Variants in CYP7B1 observed in about 807,000 individuals in gnomAD.
CYP7B1 encodes cytochrome P450 7B1.
A neutral mutation model predicts 42.7 loss-of-function variants in CYP7B1; 29 were observed. The observed-to-expected ratio is 0.68, with a 90% CI of 0.51 to 0.93. The LOEUF (loss-of-function observed/expected upper bound fraction) is 0.93, where lower values mean the gene tolerates loss of function less well. Among genes scored for constraint, CYP7B1 ranks in the 40% least tolerant of loss-of-function variants. The pLI is 0.00. For missense variants in CYP7B1, 655 were observed against 600.5 expected (o/e 1.09, Z -0.95); for synonymous variants, 235 against 218.2 (o/e 1.08, Z -0.68).
At chr8:64,718,360 T>C (rs977067362) in intron 1 of CYP7B1, among the ~76,000 whole-genome samples, 1 of 152,130 alleles carries the variant, frequency 6.6e-6, no homozygotes, top group African/African-American at 2.4e-5. Context: ...TTTGGCCAAG[T>C]GTGGTGGCTC....
chr8:64,753,770 G>A (rs139814755), intron 1 of CYP7B1, among the ~76,000 whole-genome samples: 24 of 152,328 alleles, frequency 1.6e-4, no homozygotes, highest in East Asian at 1.3e-3. Context: ...AAAGGATGGC[G>A]AGGAGAGGCC....
intron 1 of CYP7B1, among the ~76,000 whole-genome samples, chr8:64,764,583 G>A (rs998597477): frequency 1.3e-5 from 2 of 152,098 alleles, no homozygotes; most frequent in African/African-American, 4.8e-5. Flanking sequence ...GTGTAAACAA[G>A]GGCATACCCT....
At chr8:64,668,146 C>T (rs1403578505) in intron 1 of CYP7B1, among the ~76,000 whole-genome samples, 4 of 152,176 alleles carry the variant, frequency 2.6e-5, no homozygotes, top group Admixed American at 2.6e-4. Context: ...GAATACATGA[C>T]ATGCCACGTT....
intron 1 of CYP7B1, among the ~76,000 whole-genome samples, chr8:64,740,535 G>C (rs1807551964): frequency 6.6e-6 from 1 of 150,808 alleles, no homozygotes; most frequent in Non-Finnish European, 1.5e-5. Flanking sequence ...GAAAAAAATA[G>C]AGAAAATCAA....
At chr8:64,625,022 G>A (rs2129630451) in intron 1 of CYP7B1, among the ~76,000 whole-genome samples, 1 of 128,726 alleles carries the variant, frequency 7.8e-6, no homozygotes, top group Middle Eastern at 4.7e-3. Context: ...CACCCAGGCT[G>A]GAGTGCACTG....
intron 1 of CYP7B1, among the ~76,000 whole-genome samples, chr8:64,781,382 TA>T (rs1440402997): frequency 6.6e-6 from 1 of 152,176 alleles, no homozygotes; most frequent in Non-Finnish European, 1.5e-5. Flanking sequence ...TCATTTTTTT[TA>T]CATTTCTGTG....
intron 1 of CYP7B1, among the ~76,000 whole-genome samples, chr8:64,685,966 G>A (rs1167815524): frequency 5.6e-5 from 2 of 35,504 alleles, no homozygotes; most frequent in Non-Finnish European, 5.7e-5. Context: ...CCTTCCGGGA[G>A]GTGAGGGGCG....
chr8:64,642,229 G>A (rs1259117028), intron 1 of CYP7B1, among the ~76,000 whole-genome samples: 1 of 151,726 alleles, frequency 6.6e-6, no homozygotes, highest in Non-Finnish European at 1.5e-5. Context: ...ACCTTACTAT[G>A]TGTATTGTAC....
intron 3 of CYP7B1, 97 bp from the exon 4 acceptor site, chr8:64,615,329 C>G: frequency 1.6e-6 from 2 of 1,268,402 alleles, no homozygotes; most frequent in South Asian, 2.6e-5. Context: ...ACAGACCCAG[C>G]CAAGGATCAG....
chr8:64,617,259 G>T (rs1469340736), intron 2 of CYP7B1, among the ~76,000 whole-genome samples: 2 of 152,142 alleles, frequency 1.3e-5, no homozygotes, highest in Non-Finnish European at 2.9e-5. Flanking sequence ...CTTGGAGGGG[G>T]TCCTACCAGT....
intron 1 of CYP7B1, among the ~76,000 whole-genome samples, chr8:64,741,950 A>C (rs1807575368): frequency 6.6e-6 from 1 of 152,184 alleles, no homozygotes; most frequent in African/African-American, 2.4e-5. Context: ...ATTCAACAGA[A>C]TCTCAATCAA....
In CYP7B1 at chr8:64,616,137, T is replaced by C; in HGVS notation, c.404A>G (p.Asn135Ser). The C allele has an allele frequency of 6.2e-7, 1 of 1,613,764 alleles. No homozygotes were observed. Among genetic ancestry groups the C allele is most frequent in the African/African-American group, 1.3e-5 (1 of 75,038 alleles). The part of the protein sequence containing the change: ...ISQLQKNHDM[N>S]DELHLCYQFL... ...TTGATAGCAGAGGTGAAGCTCATCA[T>C]TCATGTCATGATTTTTTTGCAACTG... Residue 135 changes from asparagine to serine, a missense_variant, in exon 3 of 6, where the codon AAT becomes AGT. Asn to Ser is a conservative substitution (Grantham distance 46). Coordinates refer to ENST00000310193, the MANE Select transcript of CYP7B1 (RefSeq NM_004820.5).
At position 64,624,951 on chromosome 8, in the gene CYP7B1, C is replaced by CT. The variant is rs71260892; in HGVS notation, c.123-413dup. ...AGTCCCCAAAGTCCATTATATCATTCTTTTTTTTTTTTTTTTTTTTTTTTT... is the reference window on the plus strand; with the variant it reads ...AGTCCCCAAAGTCCATTATATCATTCTTTTTTTTTTTTTTTTTTTTTTTTTT... On this transcript the variant is annotated intron_variant, in intron 1 of 5. Coordinates refer to ENST00000310193, the MANE Select transcript of CYP7B1 (RefSeq NM_004820.5). 3.0e-4 allele frequency among the ~76,000 whole-genome samples: 16 copies of CT among 54,060 alleles called. 2 individuals carry two copies. The highest frequency in any genetic ancestry group is 8.1e-4 in the South Asian group (1 of 1,230). 35.5% of individuals were successfully genotyped at this position (54,060 alleles called of 152,430 possible). A position where few individuals can be genotyped will look rare whatever the true frequency, so the allele number is the denominator to read the frequency against.
intron 1 of CYP7B1, among the ~76,000 whole-genome samples, chr8:64,672,662 A>C (rs2129631725): frequency 6.6e-6 from 1 of 152,172 alleles, no homozygotes; most frequent in South Asian, 2.1e-4. Flanking sequence ...AAGAGCTGTG[A>C]CTCCTATCAG....
At chr8:64,623,660 T>A (rs1805564193) in intron 2 of CYP7B1, among the ~76,000 whole-genome samples, 1 of 152,214 alleles carries the variant, frequency 6.6e-6, no homozygotes, top group Non-Finnish European at 1.5e-5. Context: ...GTTTTTTTCT[T>A]CATTTTTCTT....
chr8:64,613,526 G>A (rs1479393877), intron 4 of CYP7B1, among the ~76,000 whole-genome samples: 1 of 152,082 alleles, frequency 6.6e-6, no homozygotes, highest in Non-Finnish European at 1.5e-5. Flanking sequence ...GAAACTGCTT[G>A]AATGTATGGG....
rs1250546741 is a variant in CYP7B1, at chr8:64,595,631, ATCT to A, written c.*1008_*1010del. 6.6e-6 allele frequency among the ~76,000 whole-genome samples: 1 copy of A among 152,224 alleles called. No individual in the cohort carries two copies. The highest frequency in any genetic ancestry group is 2.4e-5 in the African/African-American group (1 of 41,454). On this transcript the variant is annotated 3_prime_UTR_variant, in exon 6 of 6. Coordinates refer to ENST00000310193, the MANE Select transcript of CYP7B1 (RefSeq NM_004820.5). ...CAGATACTCTCTCAATTGAAAAAAAATCTTTGAATTATTGACACAATGCTGCAT... is the reference window on the plus strand; with the variant it reads ...CAGATACTCTCTCAATTGAAAAAAAATTGAATTATTGACACAATGCTGCAT...
At position 64,798,695 on chromosome 8, in the gene CYP7B1, G is replaced by C. The variant is rs978653148; in HGVS notation, c.-108C>G. 1.0e-4 allele frequency: 125 copies of C among 1,239,428 alleles called. No homozygotes were observed. The highest frequency in any genetic ancestry group is 1.3e-4 in the Non-Finnish European group (121 of 949,630). 76.8% of individuals were successfully genotyped at this position (1,239,428 alleles called of 1,614,324 possible). A position where few individuals can be genotyped will look rare whatever the true frequency, so the allele number is the denominator to read the frequency against. ...TCTCTCGGCGGCGCCCCCTAGTCCA[G>C]GGCCGGAGAGGCTGGCCTGCCCGCA... On this transcript the variant is annotated 5_prime_UTR_variant, in exon 1 of 6. Coordinates refer to ENST00000310193, the MANE Select transcript of CYP7B1 (RefSeq NM_004820.5).
intron 1 of CYP7B1, among the ~76,000 whole-genome samples, chr8:64,739,766 T>A (rs1049426093): frequency 1.3e-5 from 2 of 152,094 alleles, no homozygotes; most frequent in Non-Finnish European, 2.9e-5. Context: ...CATATCATAT[T>A]CAAACTAAAA....
Sources: allele counts gnomAD v4.1 joint callset (sites outside exome capture counted in the v4.1 genomes callset), GRCh38; gene constraint gnomAD v4.1.1; transcripts MANE v1.5; gene names NCBI Gene and HGNC (gene_info 2026-07-23, HGNC 2026-07-21).